Variants in ZNF439 observed in about 807,000 individuals in gnomAD.
ZNF439 encodes the protein zinc finger protein 439.
A neutral mutation model predicts 47.3 loss-of-function variants in ZNF439; 40 were observed. That is an observed-to-expected ratio of 0.85 (90% CI 0.66 to 1.10). The LOEUF (loss-of-function observed/expected upper bound fraction) is 1.10. ZNF439 is among the 50% of genes least tolerant of loss of function. The pLI, the probability that ZNF439 is intolerant of heterozygous loss-of-function variation, is 0.00. For synonymous variants in ZNF439, 171 were observed against 198.8 expected, an observed-to-expected ratio of 0.86 and a Z score of 1.18; for missense variants, 556 against 601.1, an observed-to-expected ratio of 0.93 and a Z score of 0.78.
At chr19:11,860,525 G>A (rs537020290) in intron 1 of ZNF439, among the ~76,000 whole-genome samples, 4 of 152,146 alleles carry the variant, frequency 2.6e-5, no homozygotes, top group African/African-American at 7.2e-5. Flanking sequence ...AGCTTTCTTC[G>A]TTCACATCCT....
chr19:11,857,017 G>A (rs1599315252), intron 1 of ZNF439: 1 of 152,192 alleles, frequency 6.6e-6, no homozygotes, highest in African/African-American at 2.4e-5. Context: ...AGTTGAAGCT[G>A]TGAGCTCTAA....
In ZNF439 at chr19:11,867,644, G is replaced by GA. The variant is rs771455298; in HGVS notation, c.596dup (p.Asn199LysfsTer22). ...AAACCCTATGCTTGTAAAGAATGTG[G>GA]AAAAAACATTATTTACCATTCAAGC... On this transcript the variant is annotated frameshift_variant, in exon 4 of 4. Transcript: ENST00000682736. LOFTEE classifies it high-confidence loss of function. 5 of 1,613,982 alleles carry GA rather than the reference G, an allele frequency of 3.1e-6. No individual in the cohort carries two copies. In the Admixed American group the frequency reaches 8.3e-5, roughly 27 times the overall value.
rs187354290 is a variant in ZNF439, at chr19:11,852,725, G to T, written c.63+3795G>T. On this transcript the variant is annotated intron_variant, in intron 1 of 3. Coordinates refer to ENST00000682736, the MANE Select transcript of ZNF439 (RefSeq NM_001348719.2). ...GGGTTTTATCACATTGGCCAGGCTGGTCTCCAACTCCTGTCCTCAAGTGGT... is the reference window on the plus strand; with the variant it reads ...GGGTTTTATCACATTGGCCAGGCTGTTCTCCAACTCCTGTCCTCAAGTGGT... 1.2e-3 allele frequency among the ~76,000 whole-genome samples: 179 copies of T among 152,234 alleles called. 1 individual carries two copies. Among genetic ancestry groups the T allele is most frequent in the African/African-American group, 3.0e-3 (123 of 41,536 alleles).
At position 11,867,517 on chromosome 19, in the gene ZNF439, T is replaced by C; in HGVS notation, c.463T>C (p.Cys155Arg). Residue 155 changes from cysteine to arginine, a missense_variant, in exon 4 of 4, where the codon TGT (cysteine) becomes CGT (arginine). Cys to Arg is a radical substitution (Grantham distance 180). Transcript: ENST00000682736. ...TGACACTGGACACAAGGCATGTGAA[T>C]GTCAGGAATATGGACCAAAGCCATG... ...RGDTGHKACECQEYGPKPWKS... is the reference protein window; with the variant it reads ...RGDTGHKACERQEYGPKPWKS... 2 of 1,614,120 alleles carry C rather than the reference T, an allele frequency of 1.2e-6. No individual in the cohort carries two copies. The highest frequency in any genetic ancestry group is 8.5e-7 in the Non-Finnish European group (1 of 1,180,018).
chr19:11,868,585 G>A lies in ZNF439; in HGVS notation c.*16G>A. On this transcript the variant is annotated 3_prime_UTR_variant, in exon 4 of 4. Coordinates refer to ENST00000682736, the MANE Select transcript of ZNF439 (RefSeq NM_001348719.2). Reference sequence around the variant, plus strand: ...GACCTTATAAATATAAGATATATGGGAAACACTTTTATTCTGCCAAGTTAT... The same window carrying A: ...GACCTTATAAATATAAGATATATGGAAAACACTTTTATTCTGCCAAGTTAT... 6.3e-7 allele frequency: 1 copy of A among 1,587,552 alleles called. No homozygotes were observed. The highest frequency in any genetic ancestry group is 8.5e-7 in the Non-Finnish European group (1 of 1,170,344).
intron 1 of ZNF439, among the ~76,000 whole-genome samples, chr19:11,855,641 C>T (rs1976365561): frequency 6.6e-6 from 1 of 152,120 alleles, no homozygotes; most frequent in Non-Finnish European, 1.5e-5. Context: ...TCAGAAAGAG[C>T]GTCACTCCAA....
Position 11,866,611 on chromosome 19 carries a change from A to G in ZNF439, c.251+14A>G, listed in dbSNP as rs777823261. The G allele has an allele frequency of 5.6e-6, 9 of 1,611,302 alleles. No individual in the cohort carries two copies. The highest frequency in any genetic ancestry group is 1.3e-5 in the African/African-American group (1 of 75,002). ...GAGAAACTTCAGGTAATTTGCACTTATAAGAGAAAGCAGTGTCTCTCTACA... is the reference window on the plus strand; with the variant it reads ...GAGAAACTTCAGGTAATTTGCACTTGTAAGAGAAAGCAGTGTCTCTCTACA... On this transcript the variant is annotated intron_variant, in intron 3 of 3. Transcript: ENST00000682736.
chr19:11,866,037 G>A, intron 1 of ZNF439, 168 bp from the exon 2 acceptor site: 1 of 1,464,892 alleles, frequency 6.8e-7, no homozygotes, highest in Non-Finnish European at 9.0e-7. Flanking sequence ...AAAAAAAATT[G>A]CTTTATGGAA....
At position 11,868,299 on chromosome 19, in the gene ZNF439, T is replaced by C. The variant is rs138349726; in HGVS notation, c.1245T>C (p.Tyr415=). 56 of 1,613,780 alleles carry C rather than the reference T, an allele frequency of 3.5e-5. No individual in the cohort carries two copies. The African/African-American group carries it at 6.0e-4, about 17-fold the overall frequency. ...HERTHTGEKP[Y]ECKQCGKAFR... Reference sequence around the variant, plus strand: ...GGACTCACACTGGAGAGAAACCCTATGAGTGTAAGCAATGTGGGAAAGCCT... The same window carrying C: ...GGACTCACACTGGAGAGAAACCCTACGAGTGTAAGCAATGTGGGAAAGCCT... Residue 415 remains tyrosine, a synonymous_variant, in exon 4 of 4, where the codon TAT becomes TAC. Transcript: ENST00000682736.
intron 1 of ZNF439, chr19:11,850,523 A>C (rs1976207514): frequency 6.6e-6 from 1 of 152,134 alleles, no homozygotes; most frequent in Admixed American, 6.5e-5. Context: ...AAAGGTTCAG[A>C]TTTCAGTTGG....
intron 1 of ZNF439, among the ~76,000 whole-genome samples, chr19:11,864,641 A>G (rs1297333888): frequency 6.6e-6 from 1 of 152,118 alleles, no homozygotes; most frequent in Admixed American, 6.5e-5. Flanking sequence ...ACAAAACTTA[A>G]AAATTATCAG....
intron 1 of ZNF439, among the ~76,000 whole-genome samples, chr19:11,854,314 T>C (rs1405636469): frequency 6.6e-6 from 1 of 152,222 alleles, no homozygotes; most frequent in African/African-American, 2.4e-5. Flanking sequence ...ATAGCCAAAA[T>C]TATCATGCCT....
At position 11,866,582 on chromosome 19, in the gene ZNF439, C is replaced by A; in HGVS notation, c.236C>A (p.Pro79His). 1 of 1,613,378 alleles carries A rather than the reference C, an allele frequency of 6.2e-7. No individual in the cohort carries two copies. Among genetic ancestry groups the A allele is most frequent in the Non-Finnish European group, 8.5e-7 (1 of 1,179,546 alleles). Residue 79 changes from proline to histidine, a missense_variant, in exon 3 of 4, where the codon CCC (proline) becomes CAC (histidine). Transcript: ENST00000682736. Reference protein sequence around the residue: ...DQNIEYEYQNPRRNFRSVTEE... With the variant: ...DQNIEYEYQNHRRNFRSVTEE... ...AACATTGAATATGAGTACCAAAACC[C>A]CAGGAGAAACTTCAGGTAATTTGCA... is the stretch of plus-strand genomic sequence containing the variant.
At chr19:11,864,771 A>C (rs532913738) in intron 1 of ZNF439, among the ~76,000 whole-genome samples, 1 of 151,430 alleles carries the variant, frequency 6.6e-6, no homozygotes, top group Admixed American at 6.6e-5. Flanking sequence ...ATGTCGTAGT[A>C]TGGGCCAAGA....
chr19:11,866,472 A>G (rs1976686505), intron 2 of ZNF439, 65 bp from the exon 3 acceptor site: 4 of 1,603,138 alleles, frequency 2.5e-6, no homozygotes, highest in Non-Finnish European at 3.4e-6. Context: ...TCATGGGCAT[A>G]GGTCTAATAA....
rs751627504 is a variant in ZNF439 at position 11,861,248 on chromosome 19, C to T, written c.64-4957C>T. Among the ~76,000 whole-genome samples, 44 of 152,354 alleles carry T rather than the reference C, an allele frequency of 2.9e-4. 1 individual carries two copies. Among genetic ancestry groups the T allele is most frequent in the Middle Eastern group, 3.4e-3 (1 of 294 alleles). The stretch of plus-strand genomic sequence containing the variant: ...AAAAATCCTTTCTGCCTCTCCTCCT[C>T]TTATCTTTCCGAGACACAGACACCT... On this transcript the variant is annotated intron_variant, in intron 1 of 3. Coordinates refer to ENST00000682736, the MANE Select transcript of ZNF439 (RefSeq NM_001348719.2).
chr19:11,863,220 GT>G (rs1976587819), intron 1 of ZNF439, among the ~76,000 whole-genome samples: 1 of 136,618 alleles, frequency 7.3e-6, no homozygotes, highest in Non-Finnish European at 1.5e-5. Context: ...CCGTGGCACA[GT>G]CTCGGCTCAG....
At chr19:11,857,399 GT>G (rs1976415598) in intron 1 of ZNF439, 1 of 152,176 alleles carries the variant, frequency 6.6e-6, no homozygotes, top group African/African-American at 2.4e-5. Context: ...ATAGTCACAA[GT>G]TGTGTAATTA....
chr19:11,848,919 A>C lies in ZNF439; in HGVS notation c.52A>C (p.Ser18Arg). 6.4e-7 allele frequency: 1 copy of C among 1,572,788 alleles called. No homozygotes were observed. Among genetic ancestry groups the C allele is most frequent in the Non-Finnish European group, 8.7e-7 (1 of 1,154,254 alleles). Residue 18 changes from serine to arginine, a missense_variant, in exon 1 of 4, where the codon AGC becomes CGC. Coordinates refer to ENST00000682736, the MANE Select transcript of ZNF439 (RefSeq NM_001348719.2). ...TAGAGAGGACCCCGGTACATCTGAA[A>C]GCCGGGAAATGGTGCGTGTGCTGGC... Reference protein sequence around the residue: ...SCREDPGTSESREMDPVAFKD... With the variant: ...SCREDPGTSERREMDPVAFKD...
Sources: gnomAD v4.1 joint callset for allele counts (sites outside exome capture counted in the v4.1 genomes callset) on GRCh38, gnomAD v4.1.1 for gene constraint, MANE v1.5 for transcripts, NCBI Gene and HGNC (gene_info 2026-07-23, HGNC 2026-07-21) for gene names.